LINGO2: variants seen among roughly 807,000 people sequenced by gnomAD.
The protein encoded by LINGO2 is leucine-rich repeat and immunoglobulin-like domain-containing nogo receptor-interacting protein 2.
In LINGO2, 14 loss-of-function variants were observed where a neutral mutation model predicts 30.6. That is an observed-to-expected ratio of 0.46 (90% CI 0.30 to 0.72). LINGO2 has a LOEUF of 0.72. LINGO2 is among the 30% of genes least tolerant of loss of function. The pLI, the probability that LINGO2 is intolerant of heterozygous loss-of-function variation, is 0.07. For synonymous variants in LINGO2, 317 were observed against 288.5 expected, an observed-to-expected ratio of 1.10 and a Z score of -1.00; for missense variants, 729 against 751.7, an observed-to-expected ratio of 0.97 and a Z score of 0.35.
the LINGO2 span, among the ~76,000 whole-genome samples, chr9:28,728,124 A>G: frequency 1.0e-3 from 153 of 152,260 alleles, no homozygotes; most frequent in African/African-American, 3.3e-3. Flanking sequence ...GTTTTAAAGA[A>G]GTGTAGTTCA....
intron 4 of LINGO2, among the ~76,000 whole-genome samples, chr9:28,183,620 G>T (rs1028132814): frequency 6.6e-6 from 1 of 152,066 alleles, no homozygotes; most frequent in East Asian, 1.9e-4. Context: ...CTCATAGGGG[G>T]TCATGAGAGT....
chr9:28,040,339 A>T (rs1446483093), intron 4 of LINGO2, among the ~76,000 whole-genome samples: 1 of 152,140 alleles, frequency 6.6e-6, no homozygotes, highest in Non-Finnish European at 1.5e-5. Flanking sequence ...GAATTTCAAA[A>T]ACTGCTGAAT....
chr9:29,206,876 C>T, the LINGO2 span, among the ~76,000 whole-genome samples: 3 of 151,978 alleles, frequency 2.0e-5, no homozygotes, highest in African/African-American at 7.2e-5. Flanking sequence ...TTTAACTAAT[C>T]GAGACCAAAG....
chr9:29,102,275 GT>G, the LINGO2 span, among the ~76,000 whole-genome samples: 1 of 151,970 alleles, frequency 6.6e-6, no homozygotes, highest in Non-Finnish European at 1.5e-5. Context: ...TAGAGATGGG[GT>G]TTCACCGTAG....
chr9:28,735,542 AATT>A, the LINGO2 span, among the ~76,000 whole-genome samples: 14 of 152,124 alleles, frequency 9.2e-5, no homozygotes, highest in Admixed American at 3.3e-4. Context: ...AAGTTATTAT[AATT>A]ATCTTAAGTT....
At position 28,013,370 on chromosome 9, in the gene LINGO2, A is replaced by T. The variant is rs375152618; in HGVS notation, c.-86-965T>A. 2.6e-5 allele frequency among the ~76,000 whole-genome samples: 4 copies of T among 152,304 alleles called. No homozygotes were observed. The East Asian group carries it at 5.8e-4, about 22-fold the overall frequency. ...ATGTAATAGGAATAGTGTGAGAAAG[A>T]AGCCCCAAGGTAAAAGGAATCTGCT... On this transcript the variant is annotated intron_variant, in intron 4 of 5. Transcript: ENST00000379992.
intron 4 of LINGO2, among the ~76,000 whole-genome samples, chr9:28,227,280 T>G (rs971433637): frequency 1.3e-5 from 2 of 152,058 alleles, no homozygotes; most frequent in Non-Finnish European, 2.9e-5. Context: ...ATTATTAGGC[T>G]TTTGGTTCTG....
the LINGO2 span, among the ~76,000 whole-genome samples, chr9:28,818,473 C>G: frequency 6.6e-6 from 1 of 152,164 alleles, no homozygotes; most frequent in South Asian, 2.1e-4. Flanking sequence ...CAACCTCTAC[C>G]TCCTGGGTTC....
chr9:28,955,715 C>A, the LINGO2 span, among the ~76,000 whole-genome samples: 1 of 152,112 alleles, frequency 6.6e-6, no homozygotes, highest in Non-Finnish European at 1.5e-5. Flanking sequence ...ATAATTTTCC[C>A]TTTAACCATA....
rs899819698 is a variant in LINGO2 at position 28,147,815 on chromosome 9, C to T, written c.-86-135410G>A. On this transcript the variant is annotated intron_variant, in intron 4 of 5. Transcript: ENST00000379992. The surrounding 1 kb of genome is among the most constrained non-coding windows in gnomAD (Gnocchi z 4.7). The stretch of plus-strand genomic sequence containing the variant: ...GCCCTTTGACTCCTCTTGTAGGCAC[C>T]CTCGCTGGGCTCCTAAGCACTCCTC... Among the ~76,000 whole-genome samples the T allele has an allele frequency of 1.3e-5, 2 of 152,124 alleles. No homozygotes were observed. Among genetic ancestry groups the T allele is most frequent in the Non-Finnish European group, 2.9e-5 (2 of 68,018 alleles).
the LINGO2 span, among the ~76,000 whole-genome samples, chr9:28,689,548 T>A: frequency 6.6e-6 from 1 of 151,886 alleles, no homozygotes; most frequent in Non-Finnish European, 1.5e-5. Flanking sequence ...ATCAAAAAGT[T>A]AAAAAACAAC....
chr9:28,452,906 C>G (rs1353710594), intron 2 of LINGO2, among the ~76,000 whole-genome samples: 1 of 151,744 alleles, frequency 6.6e-6, no homozygotes, highest in Non-Finnish European at 1.5e-5. Flanking sequence ...AGTCATAGTT[C>G]TTGTATATCT....
the LINGO2 span, among the ~76,000 whole-genome samples, chr9:29,154,690 A>G: frequency 6.6e-6 from 1 of 152,198 alleles, no homozygotes; most frequent in Non-Finnish European, 1.5e-5. Flanking sequence ...ACAAATATAC[A>G]TGCATTTTGT....
intron 2 of LINGO2, among the ~76,000 whole-genome samples, chr9:28,426,739 G>T (rs554571666): frequency 3.9e-5 from 6 of 152,142 alleles, no homozygotes; most frequent in Admixed American, 3.3e-4. Context: ...ATAGTCTAAG[G>T]TTGTTTAAAG....
chr9:28,518,056 A>T (rs62559692), intron 1 of LINGO2, among the ~76,000 whole-genome samples: 5,451 of 152,138 alleles, frequency 0.036, 305 homozygotes, highest in Admixed American at 0.17. Flanking sequence ...GGCATAACAG[A>T]TAGGGTCCCA....
intron 4 of LINGO2, among the ~76,000 whole-genome samples, chr9:28,249,458 T>G (rs966593464): frequency 6.6e-6 from 1 of 152,138 alleles, no homozygotes; most frequent in East Asian, 1.9e-4. Flanking sequence ...CAACAAGAAT[T>G]ATTGAAAACG....
chr9:28,236,114 C>G (rs894055765), intron 4 of LINGO2, among the ~76,000 whole-genome samples: 2 of 152,216 alleles, frequency 1.3e-5, no homozygotes, highest in South Asian at 4.2e-4. Flanking sequence ...CATACAATGG[C>G]ACTCCAGTAC....
Position 28,029,499 on chromosome 9 carries a change from G to C in LINGO2, c.-86-17094C>G, listed in dbSNP as rs529235530. 3.3e-5 allele frequency among the ~76,000 whole-genome samples: 5 copies of C among 152,296 alleles called. No homozygotes were observed. The South Asian group carries it at 1.0e-3, about 32-fold the overall frequency. On this transcript the variant is annotated intron_variant, in intron 4 of 5. Transcript: ENST00000379992. ...GATAGTTAAGCCACTTTGATATTGA[G>C]AGGCAGGTGGGGAAATTTACCACTC...
chr9:28,811,191 C>G, the LINGO2 span, among the ~76,000 whole-genome samples: 1 of 152,066 alleles, frequency 6.6e-6, no homozygotes, highest in Non-Finnish European at 1.5e-5. Flanking sequence ...TCGTTCTTCT[C>G]TTTCTCCCAT....
Sources: allele counts gnomAD v4.1 joint callset (sites outside exome capture counted in the v4.1 genomes callset), GRCh38; gene constraint gnomAD v4.1.1; non-coding constraint Gnocchi (gnomAD v3.1); transcripts MANE v1.5; gene names NCBI Gene and HGNC (gene_info 2026-07-23, HGNC 2026-07-21).